Variants in IPCEF1 observed in about 807,000 individuals in gnomAD.
The protein encoded by IPCEF1 is interactor protein for cytohesin exchange factors 1.
A neutral mutation model predicts 50.9 loss-of-function variants in IPCEF1; 31 were observed. The ratio of observed to expected loss-of-function variants is 0.61; its 90% confidence interval spans 0.46 to 0.82. The LOEUF (loss-of-function observed/expected upper bound fraction) is 0.82. Ranked by LOEUF, IPCEF1 falls within the 40% of genes least tolerant of loss-of-function variation. The pLI is 0.00. For synonymous variants in IPCEF1, 181 were observed against 192.0 expected, an observed-to-expected ratio of 0.94 and a Z score of 0.47; for missense variants, 458 against 514.0, an observed-to-expected ratio of 0.89 and a Z score of 1.05.
chr6:154,201,353 CCTTTGTCT>C (rs982309572), intron 9 of IPCEF1, among the ~76,000 whole-genome samples: 18 of 152,212 alleles, frequency 1.2e-4, no homozygotes, highest in African/African-American at 2.6e-4. Context: ...TACATATAAG[CCTTTGTCT>C]CTTTGTCTCT....
chr6:154,287,160 CCTCTCT>C (rs10563787), intron 2 of IPCEF1, among the ~76,000 whole-genome samples: 39,056 of 148,370 alleles, frequency 0.26, 5,652 homozygotes, highest in Admixed American at 0.44. Flanking sequence ...CCCTTCTCTC[CCTCTCT>C]CTCTCTCTCT....
At chr6:154,266,059 T>A (rs1781745938) in intron 2 of IPCEF1, 95 bp from the exon 3 acceptor site, 1 of 713,986 alleles carries the variant, frequency 1.4e-6, no homozygotes, top group African/African-American at 1.8e-5. Flanking sequence ...ACTTCTATTG[T>A]GATTAATCAA....
intron 10 of IPCEF1, among the ~76,000 whole-genome samples, chr6:154,192,478 C>A (rs539014728): frequency 6.6e-6 from 1 of 152,044 alleles, no homozygotes; most frequent in South Asian, 2.1e-4. Context: ...ATATAAATAT[C>A]GAGTCATGAA....
chr6:154,247,031 G>A (rs1781109433), intron 4 of IPCEF1: 1 of 429,296 alleles, frequency 2.3e-6, no homozygotes, highest in Non-Finnish European at 4.1e-6. Flanking sequence ...CAGCGCAGCA[G>A]GAGTAATATG....
intron 2 of IPCEF1, among the ~76,000 whole-genome samples, chr6:154,288,920 C>T (rs1236904457): frequency 6.6e-6 from 1 of 151,820 alleles, no homozygotes; most frequent in African/African-American, 2.4e-5. Context: ...TAAAAATTAG[C>T]TGGGCATGGT....
At chr6:154,354,061 C>G (rs141439713) in intron 1 of IPCEF1, among the ~76,000 whole-genome samples, 1 of 152,184 alleles carries the variant, frequency 6.6e-6, no homozygotes, top group Non-Finnish European at 1.5e-5. Context: ...AAACTGATAT[C>G]GATAACTGCC....
rs1798659572 is a variant in IPCEF1 at position 154,155,111 on chromosome 6, G to A, written c.*4717C>T. Reference sequence around the variant, plus strand: ...TGGGAAAGAACTGAGATGTGCTGAAGAGGCAAGGGAATTGCTTCCTGCCCC... The same window carrying A: ...TGGGAAAGAACTGAGATGTGCTGAAAAGGCAAGGGAATTGCTTCCTGCCCC... On this transcript the variant is annotated 3_prime_UTR_variant, in exon 12 of 12. Coordinates refer to ENST00000367220, the MANE Select transcript of IPCEF1 (RefSeq NM_001130700.2). The A allele has an allele frequency of 6.6e-6, 1 of 152,154 alleles. No homozygotes were observed. Among genetic ancestry groups the A allele is most frequent in the African/African-American group, 2.4e-5 (1 of 41,418 alleles). 9.4% of individuals were successfully genotyped at this position (152,154 alleles called of 1,614,324 possible).
chr6:154,266,022 A>G, intron 2 of IPCEF1, 58 bp from the exon 3 acceptor site: 6 of 971,472 alleles, frequency 6.2e-6, no homozygotes, highest in Non-Finnish European at 9.6e-6. Flanking sequence ...ATAAAAACAT[A>G]TATCTCTTTG....
intron 6 of IPCEF1, among the ~76,000 whole-genome samples, chr6:154,221,732 G>A (rs536268506): frequency 6.6e-6 from 1 of 152,150 alleles, no homozygotes; most frequent in East Asian, 1.9e-4. Flanking sequence ...AAATTAGCCG[G>A]GCATGGTGGC....
chr6:154,339,200 C>T (rs901951930), intron 1 of IPCEF1, among the ~76,000 whole-genome samples: 3 of 152,130 alleles, frequency 2.0e-5, no homozygotes, highest in African/African-American at 7.2e-5. Flanking sequence ...AAACTCTATA[C>T]TTGATCATAT....
chr6:154,224,285 G>C (rs1402031558), intron 5 of IPCEF1, among the ~76,000 whole-genome samples: 2 of 152,202 alleles, frequency 1.3e-5, no homozygotes, highest in African/African-American at 4.8e-5. Context: ...TTGCCAACTA[G>C]AGTGCAACTT....
intron 5 of IPCEF1, among the ~76,000 whole-genome samples, chr6:154,227,791 C>A (rs1186045080): frequency 6.6e-6 from 1 of 152,064 alleles, no homozygotes; most frequent in Non-Finnish European, 1.5e-5. Context: ...GGGTGGATTC[C>A]TTTTCTGCAT....
At position 154,299,260 on chromosome 6, in the gene IPCEF1, G is replaced by C. The variant is rs996460558; in HGVS notation, c.-61-9504C>G. Among the ~76,000 whole-genome samples the C allele has an allele frequency of 2.8e-5, 4 of 140,840 alleles. 1 individual carries two copies. The highest frequency in any genetic ancestry group is 1.0e-4 in the African/African-American group (4 of 39,386). The allele number at this position is 140,840 out of a possible 152,430, so 92.4% of individuals were successfully genotyped here. ...CTGTGCAGCTGAGAGAAGAGACCAG[G>C]GGACAATTGCTGAGAGCCTAGGGGA... is the stretch of plus-strand genomic sequence containing the variant. On this transcript the variant is annotated intron_variant, in intron 1 of 11. Coordinates refer to ENST00000367220, the MANE Select transcript of IPCEF1 (RefSeq NM_001130700.2).
At chr6:154,303,987 G>A (rs1782865911) in intron 1 of IPCEF1, among the ~76,000 whole-genome samples, 1 of 152,064 alleles carries the variant, frequency 6.6e-6, no homozygotes, top group South Asian at 2.1e-4. Context: ...AGCTACTCAG[G>A]AGGCTGAGGC....
chr6:154,184,769 G>A (rs1801192328), intron 10 of IPCEF1, among the ~76,000 whole-genome samples: 1 of 150,180 alleles, frequency 6.7e-6, no homozygotes, highest in Non-Finnish European at 1.5e-5. Context: ...TTTTTTCTTG[G>A]TATCTTTCCA....
chr6:154,160,754 A>G (rs1486897660), intron 11 of IPCEF1, among the ~76,000 whole-genome samples: 1 of 152,202 alleles, frequency 6.6e-6, no homozygotes, highest in African/African-American at 2.4e-5. Context: ...TTAAAAACAA[A>G]TATTCAGCCC....
At chr6:154,305,264 C>G (rs1782903069) in intron 1 of IPCEF1, among the ~76,000 whole-genome samples, 1 of 152,178 alleles carries the variant, frequency 6.6e-6, no homozygotes, top group Non-Finnish European at 1.5e-5. Context: ...TAGGCTGGTG[C>G]ATGTCATCTG....
At chr6:154,318,479 T>C (rs756748597) in intron 1 of IPCEF1, among the ~76,000 whole-genome samples, 1 of 152,154 alleles carries the variant, frequency 6.6e-6, no homozygotes, top group East Asian at 1.9e-4. Flanking sequence ...AAGCCCCAGA[T>C]TGGGACCGAG....
At chr6:154,324,155 C>A (rs1435947711) in intron 1 of IPCEF1, among the ~76,000 whole-genome samples, 1 of 152,202 alleles carries the variant, frequency 6.6e-6, no homozygotes, top group Non-Finnish European at 1.5e-5. Context: ...AAACAGACAA[C>A]ATTTCAAACC....
Sources: gnomAD v4.1 joint callset for allele counts (sites outside exome capture counted in the v4.1 genomes callset) on GRCh38, gnomAD v4.1.1 for gene constraint, MANE v1.5 for transcripts, NCBI Gene and HGNC (gene_info 2026-07-23, HGNC 2026-07-21) for gene names.